PACS2: variants seen among roughly 807,000 people sequenced by gnomAD.
The protein encoded by PACS2 is phosphofurin acidic cluster sorting protein 2.
In PACS2, 36 loss-of-function variants were observed where a neutral mutation model predicts 113.0. The ratio of observed to expected loss-of-function variants is 0.32; its 90% CI spans 0.24 to 0.42. The LOEUF (loss-of-function observed/expected upper bound fraction) is 0.42, where lower values mean the gene tolerates loss of function less well. PACS2 is among the 10% of genes least tolerant of loss of function. The pLI is 1.00. For missense variants in PACS2, 1,015 were observed against 1,239.5 expected, an observed-to-expected ratio of 0.82 and a Z score of 2.72; for synonymous variants, 589 against 536.1, an observed-to-expected ratio of 1.10 and a Z score of -1.36.
At chr14:105,339,475 C>T (rs951741635) in intron 1 of PACS2, among the ~76,000 whole-genome samples, 4 of 149,608 alleles carry the variant, frequency 2.7e-5, no homozygotes, top group Non-Finnish European at 5.9e-5. Flanking sequence ...CATTGCACTC[C>T]AGCCTGGGCA....
At chr14:105,345,439 T>G (rs1201307764) in intron 1 of PACS2, among the ~76,000 whole-genome samples, 2 of 152,110 alleles carry the variant, frequency 1.3e-5, no homozygotes, top group African/African-American at 4.8e-5. Context: ...TTAGATTGTG[T>G]ATTTGAATCT....
At chr14:105,363,769 G>A (rs2060819337) in intron 4 of PACS2, among the ~76,000 whole-genome samples, 1 of 152,086 alleles carries the variant, frequency 6.6e-6, no homozygotes, top group African/African-American at 2.4e-5. Context: ...CCCTCACCCT[G>A]TCTCGGCTCT....
intron 3 of PACS2, among the ~76,000 whole-genome samples, chr14:105,353,282 G>GC (rs1309119900): frequency 5.2e-4 from 55 of 104,918 alleles, no homozygotes; most frequent in South Asian, 9.8e-4. Flanking sequence ...GGGGTGACGG[G>GC]CCCCCCCATC....
In PACS2 at chr14:105,376,825, G is replaced by A. The variant is rs781826931; in HGVS notation, c.859G>A (p.Asp287Asn). The A allele has an allele frequency of 8.1e-6, 13 of 1,613,274 alleles. No individual in the cohort carries two copies. Among genetic ancestry groups the A allele is most frequent in the Admixed American group, 1.7e-5 (1 of 60,010 alleles). Residue 287 changes from aspartate to asparagine, a missense_variant, in exon 9 of 25, where the codon GAC becomes AAC. By Grantham distance (23) the Asp-to-Asn change is conservative (BLOSUM62 1). Coordinates refer to ENST00000447393, the MANE Select transcript of PACS2 (RefSeq NM_001100913.3). The surrounding 1 kb of genome is among the most constrained non-coding windows in gnomAD (Gnocchi z 4.7). ...EHIPEAEEDL[D>N]LLYDTLDMEH... is the part of the protein sequence containing the mutation. ...CATCCCCGAGGCAGAGGAGGACCTGGACCTCCTGTATGACACCCTGGACAT... is the reference window on the plus strand; with the variant it reads ...CATCCCCGAGGCAGAGGAGGACCTGAACCTCCTGTATGACACCCTGGACAT...
Position 105,383,339 on chromosome 14 carries a change from C to T in PACS2, c.1626-20C>T. 6.2e-7 allele frequency: 1 copy of T among 1,604,630 alleles called. No homozygotes were observed. Among genetic ancestry groups the T allele is most frequent in the Non-Finnish European group, 8.5e-7 (1 of 1,179,802 alleles). ...TGAGGCGTCTGTCCCCTCTCCGTCC[C>T]ACCTGCCTCTGGATTGCAGCTGCAA... On this transcript the variant is annotated intron_variant, in intron 15 of 24. Transcript: ENST00000447393.
chr14:105,380,256 C>A, intron 11 of PACS2, 102 bp downstream of exon 11: 1 of 926,818 alleles, frequency 1.1e-6, no homozygotes. Context: ...TATAGGTCCT[C>A]ATGTCACACC....
At chr14:105,363,641 G>A (rs1489775462) in intron 4 of PACS2, among the ~76,000 whole-genome samples, 2 of 152,134 alleles carry the variant, frequency 1.3e-5, no homozygotes, top group African/African-American at 4.8e-5. Context: ...TCTCCACACC[G>A]TCACTGAGGC....
upstream of PACS2, among the ~76,000 whole-genome samples, chr14:105,312,202 C>A (rs1386927946): frequency 6.6e-6 from 1 of 152,228 alleles, no homozygotes; most frequent in African/African-American, 2.4e-5. Context: ...GGTGGAGGGA[C>A]CTAGCGAAGC....
intron 4 of PACS2, among the ~76,000 whole-genome samples, chr14:105,359,623 G>T (rs1399294684): frequency 8.1e-6 from 1 of 122,962 alleles, no homozygotes; most frequent in Admixed American, 1.0e-4. Flanking sequence ...ACAGAATCTC[G>T]CTCTGTCGCC....
intron 8 of PACS2, chr14:105,371,637 G>C (rs1166318903): frequency 6.6e-6 from 1 of 152,158 alleles, no homozygotes; most frequent in Non-Finnish European, 1.5e-5. Context: ...CCTGTGTCTT[G>C]GCCACTAGGA....
At position 105,391,732 on chromosome 14, in the gene PACS2, TC is replaced by T; in HGVS notation, c.2225del (p.Pro742ArgfsTer3). 1 of 1,596,376 alleles carries T rather than the reference TC, an allele frequency of 6.3e-7. No homozygotes were observed. Among genetic ancestry groups the T allele is most frequent in the Non-Finnish European group, 8.5e-7 (1 of 1,172,244 alleles). On this transcript the variant is annotated frameshift_variant, in exon 22 of 25. Coordinates refer to ENST00000447393, the MANE Select transcript of PACS2 (RefSeq NM_001100913.3). LOFTEE classifies it high-confidence loss of function. The part of the protein sequence containing the change: ...AKEASPTPPS[S>X]PSVSGGLSSP... ...GGAGGCCTCACCCACCCCGCCCTCC[TC>T]CCCGTCGGTGAGCGGAGGCCTGTCC... is the stretch of plus-strand genomic sequence containing the variant.
chr14:105,321,173 G>T (rs374971414), intron 1 of PACS2, among the ~76,000 whole-genome samples: 2 of 152,238 alleles, frequency 1.3e-5, no homozygotes, highest in Non-Finnish European at 1.5e-5. Flanking sequence ...TTTAATGCAC[G>T]TTCTGTTTAT....
intron 4 of PACS2, among the ~76,000 whole-genome samples, chr14:105,360,554 A>G (rs114189650): frequency 0.015 from 2,311 of 151,746 alleles, 63 homozygotes; most frequent in African/African-American, 0.052. Context: ...AAAAAAAAAA[A>G]AAAAGAAAAG....
intron 1 of PACS2, among the ~76,000 whole-genome samples, chr14:105,325,764 C>T (rs2059080940): frequency 6.6e-6 from 1 of 152,246 alleles, no homozygotes; most frequent in Non-Finnish European, 1.5e-5. Flanking sequence ...GATGCACATC[C>T]CTCTTCTCAA....
At position 105,317,810 on chromosome 14, in the gene PACS2, C is replaced by T. The variant is rs1007039057; in HGVS notation, c.119+2773C>T. Among the ~76,000 whole-genome samples, 8 of 152,098 alleles carry T rather than the reference C, an allele frequency of 5.3e-5. No individual in the cohort carries two copies. The highest frequency in any genetic ancestry group is 1.4e-4 in the African/African-American group (6 of 41,410). On this transcript the variant is annotated intron_variant, in intron 1 of 24. Transcript: ENST00000447393. The surrounding 1 kb of genome is among the most constrained non-coding windows in gnomAD (Gnocchi z 4.2). ...GTTTGCCAGGCTGGGGTGCTGGTCT[C>T]GTTTCGGTTCTCCTTCTGGGAGGCA...
chr14:105,368,160 CG>C lies in PACS2; in HGVS notation c.660+17del. 1 of 1,578,552 alleles carries C rather than the reference CG, an allele frequency of 6.3e-7. No individual in the cohort carries two copies. Among genetic ancestry groups the C allele is most frequent in the Non-Finnish European group, 8.7e-7 (1 of 1,153,736 alleles). ...CGTGCAGGGGCAGGTGACCTGGGGC[CG>C]GGGCTCCGCGCCCTCTCCTGGCTCA... On this transcript the variant is annotated intron_variant, in intron 6 of 24. Coordinates refer to ENST00000447393, the MANE Select transcript of PACS2 (RefSeq NM_001100913.3).
At chr14:105,373,330 G>A (rs782533846) in intron 8 of PACS2, among the ~76,000 whole-genome samples, 3 of 152,238 alleles carry the variant, frequency 2.0e-5, no homozygotes, top group Non-Finnish European at 2.9e-5. Flanking sequence ...CAAAACCACA[G>A]TAGTAATCCT....
At position 105,394,708 on chromosome 14, in the gene PACS2, C is replaced by A; in HGVS notation, c.*36C>A. 2 of 1,257,352 alleles carry A rather than the reference C, an allele frequency of 1.6e-6. No individual in the cohort carries two copies. Among genetic ancestry groups the A allele is most frequent in the South Asian group, 1.2e-5 (1 of 84,190 alleles). 77.9% of individuals were successfully genotyped at this position (1,257,352 alleles called of 1,614,324 possible). A position where few individuals can be genotyped will look rare whatever the true frequency, so the allele number is the denominator to read the frequency against. On this transcript the variant is annotated 3_prime_UTR_variant, in exon 25 of 25. Coordinates refer to ENST00000447393, the MANE Select transcript of PACS2 (RefSeq NM_001100913.3). Reference sequence around the variant, plus strand: ...CAGGGGGCCCACCTCCTGCCCCATGCTGTGAGGGGCCCAGCTGCATTTCTG... The same window carrying A: ...CAGGGGGCCCACCTCCTGCCCCATGATGTGAGGGGCCCAGCTGCATTTCTG...
chr14:105,357,020 C>T lies in PACS2; in HGVS notation c.423+1843C>T, dbSNP rs2060478893. Among the ~76,000 whole-genome samples, 1 of 152,130 alleles carries T rather than the reference C, an allele frequency of 6.6e-6. No individual in the cohort carries two copies. Among genetic ancestry groups the T allele is most frequent in the African/African-American group, 2.4e-5 (1 of 41,424 alleles). ...CCCTGCTGGTCCCTGTGTAGCCATG[C>T]AGGTGATGTCCTGCTGATCCCTGCC... On this transcript the variant is annotated intron_variant, in intron 4 of 24. Transcript: ENST00000447393. This position sits in a 1 kb window ranked among gnomAD's most constrained non-coding sequence, Gnocchi z 5.1.
Sources: allele counts gnomAD v4.1 joint callset (sites outside exome capture counted in the v4.1 genomes callset), GRCh38; gene constraint gnomAD v4.1.1; non-coding constraint Gnocchi (gnomAD v3.1); transcripts MANE v1.5; gene names NCBI Gene and HGNC (gene_info 2026-07-23, HGNC 2026-07-21).